HMGCLL1: variants seen among roughly 807,000 people sequenced by gnomAD.
The protein encoded by HMGCLL1 is 3-hydroxymethyl-3-methylglutaryl-CoA lyase, cytoplasmic.
HMGCLL1 carries 36 observed loss-of-function variants against 39.1 expected under a neutral mutation model. The observed-to-expected ratio is 0.92, with a 90% CI of 0.71 to 1.22. The LOEUF (loss-of-function observed/expected upper bound fraction) is 1.22, where lower values mean the gene tolerates loss of function less well. Ranked by LOEUF, HMGCLL1 falls within the 50% of genes most tolerant of loss-of-function variation. The pLI is 0.00. For synonymous variants in HMGCLL1, 149 were observed against 144.0 expected, an observed-to-expected ratio of 1.03 and a Z score of -0.25; for missense variants, 451 against 416.5, an observed-to-expected ratio of 1.08 and a Z score of -0.72.
At chr6:55,498,174 C>T (rs2127425575) in intron 6 of HMGCLL1, among the ~76,000 whole-genome samples, 1 of 152,212 alleles carries the variant, frequency 6.6e-6, no homozygotes, top group South Asian at 2.1e-4. Context: ...AGCAAGTCTG[C>T]TGGTAAGCAA....
At chr6:55,641,346 T>C in the HMGCLL1 span, among the ~76,000 whole-genome samples, 1 of 152,006 alleles carries the variant, frequency 6.6e-6, no homozygotes, top group Non-Finnish European at 1.5e-5. Flanking sequence ...AGGTTAAAAT[T>C]TGATCTACTG....
At chr6:55,514,569 A>C (rs1035148872) in intron 4 of HMGCLL1, among the ~76,000 whole-genome samples, 1 of 152,180 alleles carries the variant, frequency 6.6e-6, no homozygotes, top group Non-Finnish European at 1.5e-5. Context: ...TTCCAAACCA[A>C]TTATTAAAAT....
At chr6:55,615,641 G>T in the HMGCLL1 span, among the ~76,000 whole-genome samples, 1 of 152,072 alleles carries the variant, frequency 6.6e-6, no homozygotes, top group South Asian at 2.1e-4. Flanking sequence ...ATCATGAAAA[G>T]ATTTACCTAT....
At chr6:55,596,967 C>T in the HMGCLL1 span, among the ~76,000 whole-genome samples, 1 of 151,996 alleles carries the variant, frequency 6.6e-6, no homozygotes, top group East Asian at 1.9e-4. Flanking sequence ...TTAAATACTA[C>T]CATGTAAATG....
At chr6:55,494,140 G>A (rs576599898) in intron 7 of HMGCLL1, among the ~76,000 whole-genome samples, 101 of 152,192 alleles carry the variant, frequency 6.6e-4, no homozygotes, top group Middle Eastern at 6.8e-3. Flanking sequence ...TGTTACTTGG[G>A]CATTTTCAAG....
intron 1 of HMGCLL1, among the ~76,000 whole-genome samples, chr6:55,543,188 A>T (rs967491119): frequency 0.077 from 567 of 7,318 alleles, 107 homozygotes; most frequent in Non-Finnish European, 0.12. Context: ...TATAATATAT[A>T]ATATATTATA....
At chr6:55,620,647 A>G in the HMGCLL1 span, among the ~76,000 whole-genome samples, 1 of 145,214 alleles carries the variant, frequency 6.9e-6, no homozygotes, top group East Asian at 1.9e-4. Flanking sequence ...ACACACACAG[A>G]CACACAGACA....
intron 7 of HMGCLL1, among the ~76,000 whole-genome samples, chr6:55,471,597 T>G (rs1272591100): frequency 6.6e-6 from 1 of 151,904 alleles, no homozygotes; most frequent in African/African-American, 2.4e-5. Flanking sequence ...TTTTTCAGAT[T>G]AATGTTGAAC....
chr6:55,667,202 C>A, the HMGCLL1 span, among the ~76,000 whole-genome samples: 1 of 151,814 alleles, frequency 6.6e-6, no homozygotes, highest in Admixed American at 6.6e-5. Flanking sequence ...GAGTGCATCA[C>A]AAATCACAAA....
intron 7 of HMGCLL1, among the ~76,000 whole-genome samples, chr6:55,477,063 A>G (rs1373741365): frequency 8.9e-6 from 1 of 112,772 alleles, no homozygotes; most frequent in East Asian, 2.8e-4. Flanking sequence ...TGGTATTTCT[A>G]TGTAACAAAC....
chr6:55,518,211 G>C (rs1767846400), intron 3 of HMGCLL1, among the ~76,000 whole-genome samples: 1 of 152,032 alleles, frequency 6.6e-6, no homozygotes, highest in Non-Finnish European at 1.5e-5. Flanking sequence ...TAGTAGTATA[G>C]TTGGGGAGAC....
At chr6:55,607,453 G>A in the HMGCLL1 span, among the ~76,000 whole-genome samples, 1 of 152,282 alleles carries the variant, frequency 6.6e-6, no homozygotes, top group East Asian at 1.9e-4. Flanking sequence ...TGCTGCACTA[G>A]CTTCTGGGGA....
chr6:55,630,625 T>C, the HMGCLL1 span, among the ~76,000 whole-genome samples: 4 of 151,996 alleles, frequency 2.6e-5, no homozygotes, highest in Non-Finnish European at 5.9e-5. Flanking sequence ...TAAATTCCCA[T>C]GTATTGTGGG....
chr6:55,529,236 G>A (rs936957787), intron 3 of HMGCLL1, among the ~76,000 whole-genome samples: 1 of 152,022 alleles, frequency 6.6e-6, no homozygotes, highest in African/African-American at 2.4e-5. Flanking sequence ...CAACTGTGCT[G>A]CCTCTCATAT....
At chr6:55,660,195 A>G in the HMGCLL1 span, among the ~76,000 whole-genome samples, 1 of 151,690 alleles carries the variant, frequency 6.6e-6, no homozygotes, top group African/African-American at 2.4e-5. Context: ...GAAAGACAAG[A>G]AAAAGCCAGG....
intron 1 of HMGCLL1, 129 bp downstream of exon 1, chr6:55,578,819 C>A: frequency 1.5e-6 from 1 of 688,682 alleles, no homozygotes; most frequent in Admixed American, 2.2e-5. Flanking sequence ...CACGACAGAA[C>A]TGCTGCGGGA....
intron 7 of HMGCLL1, among the ~76,000 whole-genome samples, chr6:55,452,341 C>T (rs1214481917): frequency 6.6e-6 from 1 of 152,116 alleles, no homozygotes; most frequent in African/African-American, 2.4e-5. Context: ...AGACAGAATC[C>T]GTCTTTATAA....
chr6:55,538,154 T>A (rs1171443773), intron 3 of HMGCLL1, among the ~76,000 whole-genome samples: 1 of 152,166 alleles, frequency 6.6e-6, no homozygotes, highest in Non-Finnish European at 1.5e-5. Flanking sequence ...TCTTGCATAA[T>A]ACTAGAAGGT....
chr6:55,556,162 C>A (rs1277633634), intron 1 of HMGCLL1, among the ~76,000 whole-genome samples: 1 of 151,816 alleles, frequency 6.6e-6, no homozygotes, highest in East Asian at 1.9e-4. Flanking sequence ...GAACAGGACA[C>A]ACAAAAGTCC....
Sources: gnomAD v4.1 joint callset for allele counts (sites outside exome capture counted in the v4.1 genomes callset) on GRCh38, gnomAD v4.1.1 for gene constraint, MANE v1.5 for transcripts, NCBI Gene and HGNC (gene_info 2026-07-23, HGNC 2026-07-21) for gene names.